The following B3GNT7 variants were observed in gnomAD, a reference collection of about 807,000 sequenced individuals.
The protein encoded by B3GNT7 is UDP-GlcNAc:betaGal beta-1,3-N-acetylglucosaminyltransferase 7, also known as BGnT-7.
In B3GNT7, 9 loss-of-function variants were observed where a neutral mutation model predicts 5.1. That is an observed-to-expected ratio of 1.77 (90% CI 1.07 to 3.09). The LOEUF is 3.09. Ranked by LOEUF, B3GNT7 falls within the 30% of genes most tolerant of loss-of-function variation. B3GNT7 has a pLI of 0.00. For synonymous variants in B3GNT7, 253 were observed against 248.6 expected, an observed-to-expected ratio of 1.02 and a Z score of -0.17; for missense variants, 468 against 550.8, an observed-to-expected ratio of 0.85 and a Z score of 1.50.
chr2:231,395,713 C>T lies in B3GNT7; in HGVS notation c.-91C>T. 1 of 1,121,094 alleles carries T rather than the reference C, an allele frequency of 8.9e-7. No homozygotes were observed. The highest frequency in any genetic ancestry group is 1.1e-6 in the Non-Finnish European group (1 of 914,810). 69.4% of individuals were successfully genotyped at this position (1,121,094 alleles called of 1,614,324 possible). A position where few individuals can be genotyped will look rare whatever the true frequency, so the allele number is the denominator to read the frequency against. Reference sequence around the variant, plus strand: ...CGCGGCGGGGGCGCGGCCCGGTCTCCGTCCCCACCCGCCCGCCGTCCCGCC... The same window carrying T: ...CGCGGCGGGGGCGCGGCCCGGTCTCTGTCCCCACCCGCCCGCCGTCCCGCC... On this transcript the variant is annotated 5_prime_UTR_variant, in exon 1 of 2. Coordinates refer to ENST00000287590, the MANE Select transcript of B3GNT7 (RefSeq NM_145236.3). The surrounding 1 kb of genome is among the most constrained non-coding windows in gnomAD (Gnocchi z 7.3).
rs371049738 is a variant in B3GNT7, at chr2:231,397,788, G to A, written c.69G>A (p.Thr23=). Reference sequence around the variant, plus strand: ...CCCTGGCCCTGCTCGTGGCCGTGACGGTGTTCCAACGCAGTCTCACCCCTG... The same window carrying A: ...CCCTGGCCCTGCTCGTGGCCGTGACAGTGTTCCAACGCAGTCTCACCCCTG... The part of the protein sequence containing the change: ...CLALALLVAV[T]VFQRSLTPGQ... The change falls in exon 2 of 2, where the codon ACG becomes ACA. Residue 23 remains threonine, a synonymous_variant. Coordinates refer to ENST00000287590, the MANE Select transcript of B3GNT7 (RefSeq NM_145236.3). 2.5e-6 allele frequency: 4 copies of A among 1,613,750 alleles called. No homozygotes were observed. Among genetic ancestry groups the A allele is most frequent in the East Asian group, 2.2e-5 (1 of 44,888 alleles).
intron 1 of B3GNT7, 23 bp from the exon 2 acceptor site, chr2:231,397,708 G>T: frequency 6.3e-7 from 1 of 1,588,336 alleles, no homozygotes. Flanking sequence ...TCTCTCCTCT[G>T]TACTGTCCGC....
At position 231,398,565 on chromosome 2, in the gene B3GNT7, C is replaced by T; in HGVS notation, c.846C>T (p.Tyr282=). ...CCATTCGCAGGAAAGACAACAAATA[C>T]TACATCCCGGGGGCCCTGTACGGCA... ...ARPIRRKDNK[Y]YIPGALYGKA... is the part of the protein sequence containing the mutation. The change falls in exon 2 of 2, where the codon TAC becomes TAT. Residue 282 remains tyrosine (Y), a synonymous_variant. Transcript: ENST00000287590. 1 of 1,613,140 alleles carries T rather than the reference C, an allele frequency of 6.2e-7. No individual in the cohort carries two copies.
At chr2:231,397,641 C>A in intron 1 of B3GNT7, 90 bp from the exon 2 acceptor site, 2 of 1,279,572 alleles carry the variant, frequency 1.6e-6, no homozygotes, top group East Asian at 2.4e-5. Flanking sequence ...ACTTGCCCGT[C>A]TGGGACCACC....
intron 1 of B3GNT7, among the ~76,000 whole-genome samples, chr2:231,396,525 G>T (rs2046515763): frequency 6.6e-6 from 1 of 152,194 alleles, no homozygotes; most frequent in African/African-American, 2.4e-5. Context: ...TGGGGAAAAT[G>T]TCGCTCTATG....
At chr2:231,397,415 C>T in intron 1 of B3GNT7, 2 of 403,030 alleles carry the variant, frequency 5.0e-6, no homozygotes, top group South Asian at 7.8e-5. Flanking sequence ...TTATATAGCA[C>T]TCCAATCCTG....
In B3GNT7 at chr2:231,398,934, G is replaced by T; in HGVS notation, c.*9G>T. The T allele has an allele frequency of 6.4e-7, 1 of 1,555,416 alleles. No individual in the cohort carries two copies. Among genetic ancestry groups the T allele is most frequent in the Non-Finnish European group, 8.6e-7 (1 of 1,157,918 alleles). The stretch of plus-strand genomic sequence containing the variant: ...AGCTCCAGGTGCTCTGACCCCAGCC[G>T]GGCTACTAGGACAGGCCAGGGCACT... On this transcript the variant is annotated 3_prime_UTR_variant, in exon 2 of 2. Coordinates refer to ENST00000287590, the MANE Select transcript of B3GNT7 (RefSeq NM_145236.3).
At chr2:231,397,538 C>T (rs537045764) in intron 1 of B3GNT7, among the ~76,000 whole-genome samples, 193 bp from the exon 2 acceptor site, 26 of 152,012 alleles carry the variant, frequency 1.7e-4, no homozygotes, top group Non-Finnish European at 2.9e-4. Context: ...GAGGAGAGGG[C>T]AGGGTGGGAG....
Position 231,398,124 on chromosome 2 carries a change from C to T in B3GNT7, c.405C>T (p.Tyr135=). The T allele has an allele frequency of 1.2e-6, 2 of 1,606,468 alleles. No individual in the cohort carries two copies. Among genetic ancestry groups the T allele is most frequent in the African/African-American group, 1.3e-5 (1 of 74,970 alleles). The change falls in exon 2 of 2, where the codon TAC becomes TAT. Residue 135 remains tyrosine (Y), a synonymous_variant. Transcript: ENST00000287590. ...NHPEKCRGDV[Y]LLVVVKSVIT... ...CGGAGAAGTGCAGGGGCGATGTCTA[C>T]CTGCTGGTGGTTGTCAAGTCGGTCA... is the stretch of plus-strand genomic sequence containing the variant.
chr2:231,398,127 G>T lies in B3GNT7; in HGVS notation c.408G>T (p.Leu136=). The change falls in exon 2 of 2, where the codon CTG becomes CTT. Residue 136 remains leucine, a synonymous_variant. Transcript: ENST00000287590. The part of the protein sequence containing the change: ...HPEKCRGDVY[L]LVVVKSVITQ... ...AGAAGTGCAGGGGCGATGTCTACCT[G>T]CTGGTGGTTGTCAAGTCGGTCATCA... 6.2e-7 allele frequency: 1 copy of T among 1,605,308 alleles called. No individual in the cohort carries two copies. The highest frequency in any genetic ancestry group is 1.1e-5 in the South Asian group (1 of 90,144).
Position 231,395,848 on chromosome 2 carries a change from C to T in B3GNT7, c.11+34C>T. On this transcript the variant is annotated intron_variant, in intron 1 of 1. Transcript: ENST00000287590. This position sits in a 1 kb window ranked among gnomAD's most constrained non-coding sequence, Gnocchi z 7.3. ...GGCTGGGGGCCGTCGGGGGCCTGGG[C>T]GGGGGCGTGGGCCCGGGGCTCCCCC... is the stretch of plus-strand genomic sequence containing the variant. The T allele has an allele frequency of 2.7e-6, 3 of 1,118,286 alleles. No homozygotes were observed. The highest frequency in any genetic ancestry group is 3.3e-6 in the Non-Finnish European group (3 of 905,336). 69.3% of individuals were successfully genotyped at this position (1,118,286 alleles called of 1,614,324 possible).
At chr2:231,396,296 C>T (rs2046513541) in intron 1 of B3GNT7, among the ~76,000 whole-genome samples, 1 of 152,142 alleles carries the variant, frequency 6.6e-6, no homozygotes. Flanking sequence ...GTGGAGCGCC[C>T]GCAGCCCAGG....
intron 1 of B3GNT7, 93 bp from the exon 2 acceptor site, chr2:231,397,638 C>T (rs558295891): frequency 1.4e-5 from 17 of 1,238,446 alleles, no homozygotes; most frequent in Admixed American, 7.7e-5. Context: ...TCCACTTGCC[C>T]GTCTGGGACC....
chr2:231,395,756 C>T lies in B3GNT7; in HGVS notation c.-48C>T. ...GTCCCGCCGGCCCGAGCCGTGGCGCCCAGAGCTGCGAGCCGCTCGCCCCTC... is the reference window on the plus strand; with the variant it reads ...GTCCCGCCGGCCCGAGCCGTGGCGCTCAGAGCTGCGAGCCGCTCGCCCCTC... On this transcript the variant is annotated 5_prime_UTR_variant, in exon 1 of 2. Coordinates refer to ENST00000287590, the MANE Select transcript of B3GNT7 (RefSeq NM_145236.3). This position sits in a 1 kb window ranked among gnomAD's most constrained non-coding sequence, Gnocchi z 7.3. The T allele has an allele frequency of 8.5e-7, 1 of 1,170,180 alleles. No individual in the cohort carries two copies. 72.5% of individuals were successfully genotyped at this position (1,170,180 alleles called of 1,614,324 possible). A position where few individuals can be genotyped will look rare whatever the true frequency, so the allele number is the denominator to read the frequency against.
At chr2:231,397,025 A>C (rs1444553713) in intron 1 of B3GNT7, among the ~76,000 whole-genome samples, 1 of 152,022 alleles carries the variant, frequency 6.6e-6, no homozygotes, top group Non-Finnish European at 1.5e-5. Flanking sequence ...GGTAGGGGTG[A>C]GGGGCAGTGC....
At chr2:231,397,105 C>T (rs2046522111) in intron 1 of B3GNT7, 21 of 781,228 alleles carry the variant, frequency 2.7e-5, no homozygotes, top group Non-Finnish European at 3.0e-5. Flanking sequence ...TTGGGTGAGA[C>T]AGACTGGAGA....
Position 231,400,903 on chromosome 2 carries a change from C to T in B3GNT7, c.*1978C>T, listed in dbSNP as rs2046557663. 1 of 152,202 alleles carries T rather than the reference C, an allele frequency of 6.6e-6. No individual in the cohort carries two copies. The highest frequency in any genetic ancestry group is 2.1e-4 in the South Asian group (1 of 4,822). The allele number at this position is 152,202 out of a possible 1,614,324, so 9.4% of individuals were successfully genotyped here. ...GGTTAAAATGATAATAATATTAACC[C>T]CTGACCAAAACGACTGGTGTTATCT... On this transcript the variant is annotated 3_prime_UTR_variant, in exon 2 of 2. Coordinates refer to ENST00000287590, the MANE Select transcript of B3GNT7 (RefSeq NM_145236.3).
At position 231,398,410 on chromosome 2, in the gene B3GNT7, C is replaced by T. The variant is rs1424533235; in HGVS notation, c.691C>T (p.Pro231Ser). 6.2e-7 allele frequency: 1 copy of T among 1,613,756 alleles called. No homozygotes were observed. Among genetic ancestry groups the T allele is most frequent in the Non-Finnish European group, 8.5e-7 (1 of 1,179,860 alleles). Reference protein sequence around the residue: ...HFLKWLDIYCPHVPFIFKGDD... With the variant: ...HFLKWLDIYCSHVPFIFKGDD... ...CCTCAAGTGGCTGGACATCTACTGC[C>T]CCCACGTCCCCTTCATTTTCAAAGG... Residue 231 changes from proline to serine, a missense_variant, in exon 2 of 2, where the codon CCC becomes TCC. Coordinates refer to ENST00000287590, the MANE Select transcript of B3GNT7 (RefSeq NM_145236.3).
At chr2:231,396,156 CTG>C (rs2046512075) in intron 1 of B3GNT7, among the ~76,000 whole-genome samples, 1 of 152,092 alleles carries the variant, frequency 6.6e-6, no homozygotes, top group Admixed American at 6.5e-5. Flanking sequence ...TTCCAGACCC[CTG>C]AGGGCCCCCT....
Sources: allele counts gnomAD v4.1 joint callset (sites outside exome capture counted in the v4.1 genomes callset), GRCh38; gene constraint gnomAD v4.1.1; non-coding constraint Gnocchi (gnomAD v3.1); transcripts MANE v1.5; gene names NCBI Gene and HGNC (gene_info 2026-07-23, HGNC 2026-07-21).